NUTM1: variants seen among roughly 807,000 people sequenced by gnomAD.
NUTM1 encodes the protein NUT family member 1.
NUTM1 carries 39 observed loss-of-function variants against 88.7 expected under a neutral mutation model. The observed-to-expected ratio is 0.44, with a 90% confidence interval of 0.34 to 0.57. The LOEUF is 0.57. Ranked by LOEUF, NUTM1 falls within the 20% of genes least tolerant of loss-of-function variation. NUTM1 has a pLI of 0.01. For synonymous variants in NUTM1, 494 were observed against 538.0 expected, an observed-to-expected ratio of 0.92 and a Z score of 1.13; for missense variants, 1,350 against 1,414.5, an observed-to-expected ratio of 0.95 and a Z score of 0.73.
At chr15:34,352,833 T>A (rs1240223394) in intron 4 of NUTM1, among the ~76,000 whole-genome samples, 1 of 143,450 alleles carries the variant, frequency 7.0e-6, no homozygotes, top group Non-Finnish European at 1.5e-5. Context: ...CTGAAAGCCC[T>A]CACTGTGTCC....
Position 34,354,015 on chromosome 15 carries a change from C to T in NUTM1, c.1075+143C>T. On this transcript the variant is annotated intron_variant, in intron 5 of 7. Coordinates refer to ENST00000537011, the MANE Select transcript of NUTM1 (RefSeq NM_001284292.2). Reference sequence around the variant, plus strand: ...GTGGCATTTGATATTCCAAACAGACCACCCCATAGGAGGCTGGGTTCTCAG... The same window carrying T: ...GTGGCATTTGATATTCCAAACAGACTACCCCATAGGAGGCTGGGTTCTCAG... 4.4e-6 allele frequency: 4 copies of T among 917,700 alleles called. No individual in the cohort carries two copies. The South Asian group carries it at 5.0e-5, about 11-fold the overall frequency. The allele number at this position is 917,700 out of a possible 1,614,324, so 56.8% of individuals were successfully genotyped here. A position where few individuals can be genotyped will look rare whatever the true frequency, so the allele number is the denominator to read the frequency against.
Position 34,353,799 on chromosome 15 carries a change from G to A in NUTM1, c.1002G>A (p.Gln334=). The A allele has an allele frequency of 6.2e-6, 10 of 1,614,146 alleles. No individual in the cohort carries two copies. Among genetic ancestry groups the A allele is most frequent in the Non-Finnish European group, 8.5e-6 (10 of 1,180,012 alleles). ...IQNTQLMNGS[Q]GLSPATPLKL... Reference sequence around the variant, plus strand: ...ACACACAGCTGATGAATGGGTCTCAGGGCCTGTCTCCTGCAACCCCTTTGA... The same window carrying A: ...ACACACAGCTGATGAATGGGTCTCAAGGCCTGTCTCCTGCAACCCCTTTGA... Residue 334 remains glutamine, a synonymous_variant, in exon 5 of 8, where the codon CAG becomes CAA. Transcript: ENST00000537011.
intron 4 of NUTM1, among the ~76,000 whole-genome samples, chr15:34,351,893 A>G (rs347795): frequency 0.96 from 143,826 of 149,594 alleles, 69,432 homozygotes; most frequent in East Asian, 1. Flanking sequence ...AAAAAAGGCT[A>G]GGCGTGGTGG....
intron 4 of NUTM1, 29 bp from the exon 5 acceptor site, chr15:34,353,707 A>T: frequency 6.2e-7 from 1 of 1,613,664 alleles, no homozygotes; most frequent in African/African-American, 1.3e-5. Flanking sequence ...CCTTCTCAGC[A>T]TTGCCTATGC....
Position 34,353,871 on chromosome 15 carries a change from A to G in NUTM1, c.1074A>G (p.Pro358=). The G allele has an allele frequency of 3.1e-6, 5 of 1,613,250 alleles. No homozygotes were observed. Among genetic ancestry groups the G allele is most frequent in the Non-Finnish European group, 4.2e-6 (5 of 1,179,994 alleles). ...GPLASEVCQQ[P]VYIPKKAASK... ...TGGCCTCTGAGGTTTGCCAGCAGCC[A>G]GGTGAGGCTACCCAATTTTGACAGG... Residue 358 remains proline (P), a splice_region_variant and synonymous_variant, in exon 5 of 8, where the codon CCA becomes CCG. Transcript: ENST00000537011.
Position 34,357,139 on chromosome 15 carries a change from A to C in NUTM1, c.3131A>C (p.Glu1044Ala), listed in dbSNP as rs910223872. ...AAGGAAGCAGAGGAAGAGGATGAGGAACTCTCCAACTTTGCTTACCTCTTG... is the reference window on the plus strand; with the variant it reads ...AAGGAAGCAGAGGAAGAGGATGAGGCACTCTCCAACTTTGCTTACCTCTTG... Reference protein sequence around the residue: ...KKKEAEEEDEELSNFAYLLAS... With the variant: ...KKKEAEEEDEALSNFAYLLAS... The change falls in exon 8 of 8, where the codon GAA (glutamate) becomes GCA (alanine). Residue 1044 changes from glutamate to alanine, a missense_variant. Around this residue, in one of 5 missense-constraint regions of NUTM1, gnomAD observed 730 missense variants for 728.8 expected, o/e 1.00. Coordinates refer to ENST00000537011, the MANE Select transcript of NUTM1 (RefSeq NM_001284292.2). The C allele has an allele frequency of 6.2e-7, 1 of 1,614,194 alleles. No individual in the cohort carries two copies. The highest frequency in any genetic ancestry group is 1.1e-5 in the South Asian group (1 of 91,090).
intron 4 of NUTM1, 96 bp downstream of exon 4, chr15:34,350,928 C>G: frequency 6.6e-7 from 1 of 1,507,470 alleles, no homozygotes; most frequent in Non-Finnish European, 9.1e-7. Flanking sequence ...TTATCAAAAG[C>G]CATGTTAGGA....
At position 34,343,351 on chromosome 15, in the gene NUTM1, A is replaced by C; in HGVS notation, c.-346A>C. On this transcript the variant is annotated 5_prime_UTR_variant, in exon 1 of 8. Transcript: ENST00000537011. ...TAGGTACACGGCGTTAGAGGGGGGT[A>C]GGGATGGATGTGGATAGAATATTGA... 1 of 611,538 alleles carries C rather than the reference A, an allele frequency of 1.6e-6. No individual in the cohort carries two copies. Among genetic ancestry groups the C allele is most frequent in the Non-Finnish European group, 2.9e-6 (1 of 344,414 alleles). 37.9% of individuals were successfully genotyped at this position (611,538 alleles called of 1,614,324 possible). A position where few individuals can be genotyped will look rare whatever the true frequency, so the allele number is the denominator to read the frequency against.
At position 34,357,605 on chromosome 15, in the gene NUTM1, A is replaced by G. The variant is rs756480416; in HGVS notation, c.*114A>G. On this transcript the variant is annotated 3_prime_UTR_variant, in exon 8 of 8. Transcript: ENST00000537011. ...AATCCCAATGTTGAATCTCATCCCAATGTTGTTTTGTTGTTCTGCAAAAGT... is the reference window on the plus strand; with the variant it reads ...AATCCCAATGTTGAATCTCATCCCAGTGTTGTTTTGTTGTTCTGCAAAAGT... 8.8e-6 allele frequency: 14 copies of G among 1,586,990 alleles called. No homozygotes were observed. The highest frequency in any genetic ancestry group is 6.7e-5 in the East Asian group (3 of 44,744).
chr15:34,356,481 C>G lies in NUTM1; in HGVS notation c.2473C>G (p.Leu825Val), dbSNP rs1427593552. 1 of 1,613,740 alleles carries G rather than the reference C, an allele frequency of 6.2e-7. No homozygotes were observed. Among genetic ancestry groups the G allele is most frequent in the Admixed American group, 1.7e-5 (1 of 59,976 alleles). The change falls in exon 8 of 8, where the codon CTA becomes GTA. Residue 825 changes from leucine to valine, a missense_variant. Leu to Val is a conservative substitution (Grantham distance 32). Around this residue, in one of 5 missense-constraint regions of NUTM1, gnomAD observed 730 missense variants for 728.8 expected, o/e 1.00. Coordinates refer to ENST00000537011, the MANE Select transcript of NUTM1 (RefSeq NM_001284292.2). ...PCGGTVAAAA[L>V]EKRNYCSLPG... Reference sequence around the variant, plus strand: ...TGGAGGCACAGTTGCGGCAGCTGCCCTAGAAAAGAGAAACTATTGCAGCTT... The same window carrying G: ...TGGAGGCACAGTTGCGGCAGCTGCCGTAGAAAAGAGAAACTATTGCAGCTT...
chr15:34,355,530 G>C lies in NUTM1; in HGVS notation c.1522G>C (p.Ala508Pro). The change falls in exon 8 of 8, where the codon GCA (alanine) becomes CCA (proline). Residue 508 changes from alanine to proline, a missense_variant. Around this residue, in one of 5 missense-constraint regions of NUTM1, gnomAD observed 126 missense variants for 189.8 expected, o/e 0.66. Coordinates refer to ENST00000537011, the MANE Select transcript of NUTM1 (RefSeq NM_001284292.2). This position sits in a 1 kb window ranked among gnomAD's most constrained non-coding sequence, Gnocchi z 4.3. ...CATGGCCTTGGAAGAGGAGGAAGAT[G>C]CAGAGGCGCCTCCAAGTTTCAGTGG... ...RLMALEEEED[A>P]EAPPSFSGAQ... 6.2e-7 allele frequency: 1 copy of C among 1,614,104 alleles called. No homozygotes were observed. Among genetic ancestry groups the C allele is most frequent in the East Asian group, 2.2e-5 (1 of 44,888 alleles).
At position 34,355,114 on chromosome 15, in the gene NUTM1, G is replaced by A. The variant is rs764984005; in HGVS notation, c.1456G>A (p.Glu486Lys). 6.2e-7 allele frequency: 1 copy of A among 1,612,112 alleles called. No individual in the cohort carries two copies. Among genetic ancestry groups the A allele is most frequent in the South Asian group, 1.1e-5 (1 of 91,036 alleles). Residue 486 changes from glutamate to lysine, a missense_variant, in exon 7 of 8, where the codon GAA (glutamate) becomes AAA (lysine). Coordinates refer to ENST00000537011, the MANE Select transcript of NUTM1 (RefSeq NM_001284292.2). This position sits in a 1 kb window ranked among gnomAD's most constrained non-coding sequence, Gnocchi z 4.3. ...PLALIEELEQEEGLTLAQLVQ... is the reference protein window; with the variant it reads ...PLALIEELEQKEGLTLAQLVQ... ...GGCCTTAATTGAGGAGCTAGAGCAA[G>A]AAGAAGGACTCACTCTTGCCCAGGT...
At chr15:34,351,227 CAAAAAAAAAAAAAAAAAAAAA>C (rs397853945) in intron 4 of NUTM1, among the ~76,000 whole-genome samples, 4 of 34,466 alleles carry the variant, frequency 1.2e-4, no homozygotes, top group Admixed American at 5.6e-4. Flanking sequence ...GACTCCATCT[CAAAAAAAAAAAAAAAAAAAAA>C]AAAAAAAAAA....
chr15:34,343,560 A>G lies in NUTM1; in HGVS notation c.-137A>G, dbSNP rs944909920. On this transcript the variant is annotated 5_prime_UTR_variant, in exon 1 of 8. Transcript: ENST00000537011. ...TGCTCCATTTCAAAGCGTTGGCGGT[A>G]AAGAATGCATGTTGAGTATCAATAT... The G allele has an allele frequency of 2.6e-6, 4 of 1,528,554 alleles. No individual in the cohort carries two copies. The South Asian group carries it at 3.6e-5, about 14-fold the overall frequency. 94.7% of individuals were successfully genotyped at this position (1,528,554 alleles called of 1,614,324 possible). A position where few individuals can be genotyped will look rare whatever the true frequency, so the allele number is the denominator to read the frequency against.
rs768088527 is a variant in NUTM1 at position 34,357,009 on chromosome 15, A to G, written c.3001A>G (p.Thr1001Ala). 9 of 1,613,872 alleles carry G rather than the reference A, an allele frequency of 5.6e-6. No homozygotes were observed. Among genetic ancestry groups the G allele is most frequent in the Non-Finnish European group, 5.9e-6 (7 of 1,180,012 alleles). ...ATSSHQGLGS[T>A]LPRRGTRNAI... Reference sequence around the variant, plus strand: ...ATCTTCTCACCAGGGCCTTGGAAGCACTTTGCCTAGAAGGGGAACCAGGAA... The same window carrying G: ...ATCTTCTCACCAGGGCCTTGGAAGCGCTTTGCCTAGAAGGGGAACCAGGAA... Residue 1001 changes from threonine to alanine, a missense_variant, in exon 8 of 8, where the codon ACT becomes GCT. Thr to Ala is a moderately conservative substitution (Grantham distance 58, BLOSUM62 0). Transcript: ENST00000537011.
chr15:34,343,749 T>C lies in NUTM1; in HGVS notation c.6+47T>C, dbSNP rs1890529632. On this transcript the variant is annotated intron_variant, in intron 1 of 7. Transcript: ENST00000537011. Reference sequence around the variant, plus strand: ...AATAAAGTGCACCTTCTAGGAGTTTTTACAATTTTTAAAAGAATATAGAAG... The same window carrying C: ...AATAAAGTGCACCTTCTAGGAGTTTCTACAATTTTTAAAAGAATATAGAAG... 4.0e-6 allele frequency: 6 copies of C among 1,504,984 alleles called. No individual in the cohort carries two copies. In the East Asian group the frequency reaches 1.5e-4, roughly 37 times the overall value. The allele number at this position is 1,504,984 out of a possible 1,614,324, so 93.2% of individuals were successfully genotyped here.
In NUTM1 at chr15:34,357,718, T is replaced by C; in HGVS notation, c.*227T>C. ...CTATATAGAAAAAAAATGAATAAAG[T>C]GTTTTGTTGGAAAATGCTCTCAGAG... On this transcript the variant is annotated 3_prime_UTR_variant, in exon 8 of 8. Transcript: ENST00000537011. 1 of 763,104 alleles carries C rather than the reference T, an allele frequency of 1.3e-6. No individual in the cohort carries two copies. The highest frequency in any genetic ancestry group is 2.2e-6 in the Non-Finnish European group (1 of 457,430). The allele number at this position is 763,104 out of a possible 1,614,324, so 47.3% of individuals were successfully genotyped here.
intron 3 of NUTM1, among the ~76,000 whole-genome samples, chr15:34,349,497 G>T (rs148062682): frequency 1.6e-4 from 24 of 152,282 alleles, no homozygotes; most frequent in African/African-American, 5.1e-4. Context: ...GCTTAAGAGC[G>T]AGTGTGTGTT....
At chr15:34,353,620 C>G in intron 4 of NUTM1, 116 bp from the exon 5 acceptor site, 1 of 1,252,682 alleles carries the variant, frequency 8.0e-7, no homozygotes, top group Non-Finnish European at 1.1e-6. Context: ...ATGACTTAGG[C>G]AGACTTTGCC....
Sources: allele counts gnomAD v4.1 joint callset (sites outside exome capture counted in the v4.1 genomes callset), GRCh38; gene constraint gnomAD v4.1.1; regional missense constraint gnomAD v4.1.1; non-coding constraint Gnocchi (gnomAD v3.1); transcripts MANE v1.5; gene names NCBI Gene and HGNC (gene_info 2026-07-23, HGNC 2026-07-21).